MAP7: variants seen among roughly 807,000 people sequenced by gnomAD.
MAP7 encodes the protein microtubule associated protein 7, also known as ensconsin.
MAP7 carries 52 observed loss-of-function variants against 94.8 expected under a neutral mutation model. That is an observed-to-expected ratio of 0.55 (90% CI 0.44 to 0.69). The LOEUF (loss-of-function observed/expected upper bound fraction) is 0.69, where lower values mean the gene tolerates loss of function less well. Among genes scored for constraint, MAP7 ranks in the 30% least tolerant of loss-of-function variants. MAP7 has a pLI of 0.00. For missense variants in MAP7, 940 were observed against 964.6 expected (o/e 0.97, Z 0.34); for synonymous variants, 350 against 357.0 (o/e 0.98, Z 0.22).
At chr6:136,393,097 C>T (rs1383152797) in intron 3 of MAP7, among the ~76,000 whole-genome samples, 1 of 151,994 alleles carries the variant, frequency 6.6e-6, no homozygotes, top group Non-Finnish European at 1.5e-5. Context: ...GGCTCTATTT[C>T]TTCACTAAAT....
At chr6:136,437,345 C>T (rs1420744094) in intron 1 of MAP7, among the ~76,000 whole-genome samples, 2 of 152,110 alleles carry the variant, frequency 1.3e-5, no homozygotes, top group Non-Finnish European at 2.9e-5. Flanking sequence ...TCCCCAAGCC[C>T]TTGGCCCACT....
intron 1 of MAP7, among the ~76,000 whole-genome samples, chr6:136,480,141 C>T (rs1316824619): frequency 6.6e-6 from 1 of 152,102 alleles, no homozygotes; most frequent in Non-Finnish European, 1.5e-5. Context: ...GGCATAAAAA[C>T]AGACACACAG....
At chr6:136,385,610 A>C (rs1039562258) in intron 5 of MAP7, among the ~76,000 whole-genome samples, 2 of 152,214 alleles carry the variant, frequency 1.3e-5, no homozygotes, top group Non-Finnish European at 2.9e-5. Flanking sequence ...TTGTATCCTA[A>C]AAAGTATCAT....
At chr6:136,533,800 A>G (rs1828668182) in intron 1 of MAP7, among the ~76,000 whole-genome samples, 1 of 152,230 alleles carries the variant, frequency 6.6e-6, no homozygotes, top group Admixed American at 6.5e-5. Flanking sequence ...TTACCATAAG[A>G]GGAGTACCAA....
intron 8 of MAP7, among the ~76,000 whole-genome samples, chr6:136,368,090 ATTCT>A (rs1255609933): frequency 1.3e-5 from 2 of 152,122 alleles, no homozygotes; most frequent in Non-Finnish European, 2.9e-5. Flanking sequence ...CTTTGAGCCA[ATTCT>A]TTCTTTTTTA....
At chr6:136,434,431 C>CA (rs1795819205) in intron 1 of MAP7, among the ~76,000 whole-genome samples, 1 of 151,758 alleles carries the variant, frequency 6.6e-6, no homozygotes. Flanking sequence ...GAAATAGGAC[C>CA]AAGCAAGGGC....
At chr6:136,393,883 C>T (rs1781507265) in intron 3 of MAP7, among the ~76,000 whole-genome samples, 1 of 148,584 alleles carries the variant, frequency 6.7e-6, no homozygotes, top group South Asian at 2.1e-4. Context: ...TCAAGAGATG[C>T]TCCTGTCTCA....
At chr6:136,471,434 A>G (rs1214770366) in intron 1 of MAP7, among the ~76,000 whole-genome samples, 2 of 152,322 alleles carry the variant, frequency 1.3e-5, no homozygotes, top group Non-Finnish European at 2.9e-5. Context: ...AACATTTACA[A>G]TCTAATCTGG....
At chr6:136,445,794 G>A (rs1799153531) in intron 1 of MAP7, among the ~76,000 whole-genome samples, 1 of 152,124 alleles carries the variant, frequency 6.6e-6, no homozygotes, top group Non-Finnish European at 1.5e-5. Context: ...ATCTATCCCT[G>A]TATTAAGTCA....
intron 1 of MAP7, among the ~76,000 whole-genome samples, chr6:136,468,528 T>C (rs1807899794): frequency 6.6e-6 from 1 of 152,232 alleles, no homozygotes; most frequent in African/African-American, 2.4e-5. Context: ...AAGCATTTAA[T>C]ACACCTACTG....
chr6:136,520,886 GA>G (rs1826219013), intron 1 of MAP7, among the ~76,000 whole-genome samples: 2 of 152,230 alleles, frequency 1.3e-5, no homozygotes, highest in Non-Finnish European at 2.9e-5. Context: ...AGAGTGGCAG[GA>G]AAGAGGATGG....
intron 8 of MAP7, among the ~76,000 whole-genome samples, chr6:136,371,792 A>C (rs1164711352): frequency 6.6e-6 from 1 of 152,248 alleles, no homozygotes; most frequent in Non-Finnish European, 1.5e-5. Flanking sequence ...ACAAGATTTA[A>C]AACAAAGAAG....
chr6:136,526,276 C>A (rs1050248456), intron 1 of MAP7: 4 of 1,055,072 alleles, frequency 3.8e-6, no homozygotes, highest in Non-Finnish European at 4.6e-6. Context: ...TACACGCGCG[C>A]GCACACACAC....
At chr6:136,513,447 T>C (rs1457271181) in intron 1 of MAP7, among the ~76,000 whole-genome samples, 1 of 152,264 alleles carries the variant, frequency 6.6e-6, no homozygotes, top group Non-Finnish European at 1.5e-5. Context: ...TCAAGTTTTA[T>C]CATGGAATCG....
intron 1 of MAP7, among the ~76,000 whole-genome samples, chr6:136,529,489 C>T (rs555625386): frequency 6.6e-6 from 1 of 152,326 alleles, no homozygotes; most frequent in Non-Finnish European, 1.5e-5. Context: ...TTGCATGTCA[C>T]ATGCAGATAC....
In MAP7 at chr6:136,346,050, T is replaced by G. The variant is rs1219208948; in HGVS notation, c.2045A>C (p.Glu682Ala). 4.5e-5 allele frequency: 73 copies of G among 1,612,782 alleles called. No homozygotes were observed. Among genetic ancestry groups the G allele is most frequent in the Non-Finnish European group, 5.9e-5 (69 of 1,179,286 alleles). The part of the protein sequence containing the change: ...STPDLEKQPN[E>A]NGVSVQNENF... ...TTCATTCTGAACAGATACACCATTT[T>G]CATTTGGTTGTTTTTCCAAATCGGG... Residue 682 changes from glutamate (E) to alanine (A), a missense_variant, in exon 17 of 18, where the codon GAA (glutamate) becomes GCA (alanine). Transcript: ENST00000354570.
At chr6:136,347,223 G>A (rs1360820082) in intron 16 of MAP7, among the ~76,000 whole-genome samples, 1 of 152,160 alleles carries the variant, frequency 6.6e-6, no homozygotes, top group Admixed American at 6.5e-5. Context: ...ACATATGTGT[G>A]CAAGCTTCAA....
At chr6:136,362,797 A>G in intron 10 of MAP7, 95 bp from the exon 11 acceptor site, 1 of 1,485,410 alleles carries the variant, frequency 6.7e-7, no homozygotes, top group Non-Finnish European at 8.9e-7. Context: ...CCTAGAATTT[A>G]CCATTATGAA....
In MAP7 at chr6:136,543,953, G is replaced by A. The variant is rs564040173; in HGVS notation, c.67+6389C>T. ...ATTATTTTTTTCGAGAAGGTGTCATGCTCTGTTGCCCAGGCTGGAATGTGG... is the reference window on the plus strand; with the variant it reads ...ATTATTTTTTTCGAGAAGGTGTCATACTCTGTTGCCCAGGCTGGAATGTGG... On this transcript the variant is annotated intron_variant, in intron 1 of 17. Transcript: ENST00000354570. 2.9e-4 allele frequency among the ~76,000 whole-genome samples: 44 copies of A among 152,256 alleles called. 1 individual carries two copies. Among genetic ancestry groups the A allele is most frequent in the Admixed American group, 1.2e-3 (18 of 15,294 alleles).
Sources: allele counts gnomAD v4.1 joint callset (sites outside exome capture counted in the v4.1 genomes callset), GRCh38; gene constraint gnomAD v4.1.1; transcripts MANE v1.5; gene names NCBI Gene and HGNC (gene_info 2026-07-23, HGNC 2026-07-21).